VAV1: variants seen among roughly 807,000 people sequenced by gnomAD.
VAV1 encodes the protein vav guanine nucleotide exchange factor 1, also known as proto-oncogene vav.
A neutral mutation model predicts 128.1 loss-of-function variants in VAV1; 33 were observed. The observed-to-expected ratio is 0.26, with a 90% CI of 0.20 to 0.34. The LOEUF is 0.34. Ranked by LOEUF, VAV1 falls within the 10% of genes least tolerant of loss-of-function variation. The probability of loss-of-function intolerance (pLI) is 1.00; values close to 1 mark genes in which losing one functional copy is unlikely to be tolerated. For synonymous variants in VAV1, 394 were observed against 409.8 expected (o/e 0.96, Z 0.47); for missense variants, 715 against 1,093.7 (o/e 0.65, Z 4.88).
chr19:6,825,163 C>T lies in VAV1; in HGVS notation c.723+42C>T, dbSNP rs772372299. The T allele has an allele frequency of 1.8e-5, 29 of 1,596,410 alleles. 1 individual carries two copies. Among genetic ancestry groups the T allele is most frequent in the Admixed American group, 6.8e-5 (4 of 58,908 alleles). ...CCAGCCCTCTTGGGTCTGTCTAGTG[C>T]GGATAACCTGCTGCCCCTACCTCTC... On this transcript the variant is annotated intron_variant, in intron 7 of 26. Transcript: ENST00000602142.
intron 1 of VAV1, among the ~76,000 whole-genome samples, chr19:6,818,191 T>G (rs1194458563): frequency 6.6e-6 from 1 of 152,152 alleles, no homozygotes; most frequent in Non-Finnish European, 1.5e-5. Flanking sequence ...TGGGCTCAAG[T>G]CAACCTGGGA....
Position 6,848,026 on chromosome 19 carries a change from G to A in VAV1, c.2041G>A (p.Ala681Thr). The A allele has an allele frequency of 6.5e-7, 1 of 1,534,134 alleles. No homozygotes were observed. The part of the protein sequence containing the change: ...WYAGPMERAG[A>T]ESILANRSDG... ...CGCAGGCCCCATGGAGCGGGCAGGGGCAGAGAGCATCCTGGCCAACCGCTC... is the reference window on the plus strand; with the variant it reads ...CGCAGGCCCCATGGAGCGGGCAGGGACAGAGAGCATCCTGGCCAACCGCTC... The change falls in exon 23 of 27, where the codon GCA becomes ACA. Residue 681 changes from alanine to threonine, a missense_variant. By Grantham distance (58) the Ala-to-Thr change is moderately conservative. Around this residue, in one of 3 missense-constraint regions of VAV1, gnomAD observed 407 missense variants for 580.6 expected, o/e 0.70. Transcript: ENST00000602142.
At chr19:6,804,195 C>T (rs552076353) in intron 1 of VAV1, among the ~76,000 whole-genome samples, 18 of 151,562 alleles carry the variant, frequency 1.2e-4, no homozygotes, top group Admixed American at 6.6e-4. Context: ...ATGTGACGCA[C>T]GGCAGGCAAG....
chr19:6,822,270 G>A lies in VAV1; in HGVS notation c.499G>A (p.Glu167Lys). Residue 167 changes from glutamate to lysine, a missense_variant, in exon 5 of 27, where the codon GAG (glutamate) becomes AAG (lysine). This residue lies in a region of VAV1 where 302 missense variants were observed against 477.8 expected (regional missense o/e 0.63). Coordinates refer to ENST00000602142, the MANE Select transcript of VAV1 (RefSeq NM_005428.4). This position sits in a 1 kb window ranked among gnomAD's most constrained non-coding sequence, Gnocchi z 5.9. ...CCTGTATGACTGCGTGGAGAATGAGGAGGCGGAAGGCGACGAGATCTATGA... is the reference window on the plus strand; with the variant it reads ...CCTGTATGACTGCGTGGAGAATGAGAAGGCGGAAGGCGACGAGATCTATGA... ...EDLYDCVENEEAEGDEIYEDL... is the reference protein window; with the variant it reads ...EDLYDCVENEKAEGDEIYEDL... 6.3e-7 allele frequency: 1 copy of A among 1,593,244 alleles called. No homozygotes were observed. The highest frequency in any genetic ancestry group is 8.5e-7 in the Non-Finnish European group (1 of 1,171,526).
At chr19:6,803,799 A>G (rs1465979591) in intron 1 of VAV1, among the ~76,000 whole-genome samples, 1 of 152,130 alleles carries the variant, frequency 6.6e-6, no homozygotes, top group African/African-American at 2.4e-5. Flanking sequence ...TCCTGACCTC[A>G]GGTGATCCAG....
At position 6,835,199 on chromosome 19, in the gene VAV1, G is replaced by GTA. The variant is rs1042586889; in HGVS notation, c.1778-1222_1778-1221dup. ...TTTGTACAATAGAATATATATATGT[G>GTA]TATATATATATACATACACACACAC... On this transcript the variant is annotated intron_variant, in intron 19 of 26. Coordinates refer to ENST00000602142, the MANE Select transcript of VAV1 (RefSeq NM_005428.4). Among the ~76,000 whole-genome samples the GTA allele has an allele frequency of 2.8e-3, 338 of 119,046 alleles. 1 individual carries two copies. Among genetic ancestry groups the GTA allele is most frequent in the African/African-American group, 0.01 (321 of 31,286 alleles). The allele number at this position is 119,046 out of a possible 152,430, so 78.1% of individuals were successfully genotyped here.
chr19:6,778,937 T>C (rs146653352), intron 1 of VAV1, among the ~76,000 whole-genome samples: 5,963 of 146,936 alleles, frequency 0.041, 280 homozygotes, highest in African/African-American at 0.12. Flanking sequence ...AGTGCAGTGG[T>C]ATGATCACAG....
At chr19:6,852,018 T>C (rs1599684588) in intron 24 of VAV1, among the ~76,000 whole-genome samples, 1 of 151,910 alleles carries the variant, frequency 6.6e-6, no homozygotes, top group South Asian at 2.1e-4. Flanking sequence ...AGGTTTACTT[T>C]AAAAAAAATA....
chr19:6,814,607 T>A (rs564689630), intron 1 of VAV1, among the ~76,000 whole-genome samples: 15 of 151,772 alleles, frequency 9.9e-5, no homozygotes, highest in African/African-American at 3.6e-4. Flanking sequence ...TCTGCAAAAA[T>A]GACTTTCTTT....
chr19:6,788,078 A>AAAAC (rs954287050), intron 1 of VAV1, among the ~76,000 whole-genome samples: 8 of 152,048 alleles, frequency 5.3e-5, no homozygotes, highest in Middle Eastern at 3.4e-3. Context: ...CTCCGTCTCA[A>AAAAC]AAACAAACAA....
intron 1 of VAV1, among the ~76,000 whole-genome samples, chr19:6,778,283 C>T (rs186759327): frequency 1.6e-4 from 25 of 152,120 alleles, no homozygotes; most frequent in African/African-American, 5.8e-4. Context: ...GGAGATGGAA[C>T]TTGAAGGCCA....
chr19:6,780,589 T>G (rs557718607), intron 1 of VAV1, among the ~76,000 whole-genome samples: 1,616 of 128,304 alleles, frequency 0.013, 42 homozygotes, highest in African/African-American at 0.049. Context: ...TTTTTTTTTT[T>G]GGGACGGAGT....
chr19:6,845,089 G>A (rs1972485662), intron 22 of VAV1, among the ~76,000 whole-genome samples: 1 of 151,938 alleles, frequency 6.6e-6, no homozygotes, highest in Non-Finnish European at 1.5e-5. Flanking sequence ...TTAAAATTGA[G>A]GTGAAATTCG....
At chr19:6,785,078 C>T (rs2144701776) in intron 1 of VAV1, among the ~76,000 whole-genome samples, 1 of 152,332 alleles carries the variant, frequency 6.6e-6, no homozygotes, top group East Asian at 1.9e-4. Context: ...GCCTCAGGGC[C>T]TTTGCACTGG....
intron 13 of VAV1, 148 bp from the exon 14 acceptor site, chr19:6,829,638 T>C (rs1245683073): frequency 5.1e-6 from 6 of 1,174,122 alleles, no homozygotes; most frequent in Non-Finnish European, 7.3e-6. Flanking sequence ...ATCACGTGGG[T>C]GAAGTCAGGA....
At chr19:6,789,564 T>A (rs1433865557) in intron 1 of VAV1, among the ~76,000 whole-genome samples, 1 of 146,690 alleles carries the variant, frequency 6.8e-6, no homozygotes, top group Non-Finnish European at 1.5e-5. Flanking sequence ...TCCTTTCTTT[T>A]CTGTTCTGCT....
chr19:6,831,976 G>T, intron 14 of VAV1, 115 bp from the exon 15 acceptor site: 1 of 768,508 alleles, frequency 1.3e-6, no homozygotes, highest in Non-Finnish European at 2.2e-6. Flanking sequence ...ATGGTGCTAG[G>T]GGCATAGAGA....
chr19:6,781,821 C>G (rs1417600522), intron 1 of VAV1, among the ~76,000 whole-genome samples: 1 of 151,964 alleles, frequency 6.6e-6, no homozygotes, highest in East Asian at 1.9e-4. Context: ...TTGGCCTGGC[C>G]GGTCTCAAAC....
At chr19:6,832,633 TC>T (rs1972106835) in intron 15 of VAV1, among the ~76,000 whole-genome samples, 1 of 141,338 alleles carries the variant, frequency 7.1e-6, no homozygotes, top group Non-Finnish European at 1.5e-5. Flanking sequence ...TTCTTCCTCC[TC>T]CTCCCTTTCC....
Sources: gnomAD v4.1 joint callset for allele counts (sites outside exome capture counted in the v4.1 genomes callset) on GRCh38, gnomAD v4.1.1 for gene constraint, gnomAD v4.1.1 regional missense constraint, Gnocchi (gnomAD v3.1) non-coding constraint, MANE v1.5 for transcripts, NCBI Gene and HGNC (gene_info 2026-07-23, HGNC 2026-07-21) for gene names.